The following CACNA2D3 variants were observed in gnomAD, a reference collection of about 807,000 sequenced individuals.
CACNA2D3 encodes calcium voltage-gated channel auxiliary subunit alpha2delta 3, also known as voltage-dependent calcium channel subunit alpha-2/delta-3.
Under a neutral mutation model 160.6 loss-of-function variants are expected in CACNA2D3, and 60 were observed. The ratio of observed to expected loss-of-function variants is 0.37; its 90% CI spans 0.30 to 0.46. The LOEUF is 0.46. Ranked by LOEUF, CACNA2D3 falls within the 20% of genes least tolerant of loss-of-function variation. The pLI, the probability that CACNA2D3 is intolerant of heterozygous loss-of-function variation, is 1.00. For missense variants in CACNA2D3, 1,205 were observed against 1,365.0 expected, an observed-to-expected ratio of 0.88 and a Z score of 1.85; for synonymous variants, 558 against 492.9, an observed-to-expected ratio of 1.13 and a Z score of -1.75.
chr3:54,170,349 C>T (rs1259161468), intron 2 of CACNA2D3, among the ~76,000 whole-genome samples: 1 of 152,038 alleles, frequency 6.6e-6, no homozygotes, highest in African/African-American at 2.4e-5. Flanking sequence ...ACATCAGACC[C>T]AATAGGAGCA....
chr3:54,860,497 T>C (rs1477819194), intron 17 of CACNA2D3, among the ~76,000 whole-genome samples: 2 of 152,196 alleles, frequency 1.3e-5, no homozygotes, highest in African/African-American at 4.8e-5. Flanking sequence ...ACTCCCAAGT[T>C]AATGAAGCCC....
intron 3 of CACNA2D3, among the ~76,000 whole-genome samples, chr3:54,384,345 G>A (rs1366397428): frequency 6.6e-6 from 1 of 152,158 alleles, no homozygotes; most frequent in African/African-American, 2.4e-5. Context: ...TACACATTCT[G>A]TAAAGCTCAA....
chr3:54,612,667 GCCTA>G (rs1698767459), intron 9 of CACNA2D3, among the ~76,000 whole-genome samples: 1 of 152,166 alleles, frequency 6.6e-6, no homozygotes, highest in Non-Finnish European at 1.5e-5. Context: ...GAAATCTACT[GCCTA>G]CCAGGTCAAA....
intron 2 of CACNA2D3, among the ~76,000 whole-genome samples, chr3:54,164,452 G>A (rs549991065): frequency 3.9e-5 from 6 of 152,308 alleles, no homozygotes; most frequent in Middle Eastern, 6.8e-3. Flanking sequence ...TCTCCTCCTC[G>A]GGGGACTCCC....
intron 12 of CACNA2D3, 135 bp downstream of exon 12, chr3:54,752,812 C>A: frequency 3.8e-6 from 2 of 530,498 alleles, no homozygotes; most frequent in Non-Finnish European, 6.8e-6. Context: ...TACTGATAGA[C>A]TTGTAACGGT....
At chr3:54,329,255 C>T (rs574269143) in intron 3 of CACNA2D3, among the ~76,000 whole-genome samples, 1 of 152,282 alleles carries the variant, frequency 6.6e-6, no homozygotes, top group African/African-American at 2.4e-5. Flanking sequence ...TCCCAACTTG[C>T]CTTTACTGTG....
chr3:54,553,663 G>A (rs1702195020), intron 5 of CACNA2D3, among the ~76,000 whole-genome samples: 1 of 152,166 alleles, frequency 6.6e-6, no homozygotes, highest in Non-Finnish European at 1.5e-5. Flanking sequence ...TTCCCTAGAA[G>A]CTGACCCATT....
At chr3:54,869,520 A>G (rs2106816863) in intron 17 of CACNA2D3, among the ~76,000 whole-genome samples, 1 of 152,366 alleles carries the variant, frequency 6.6e-6, no homozygotes, top group South Asian at 2.1e-4. Context: ...TGACCAAAGA[A>G]AGAACTTCCT....
At chr3:54,290,492 T>G (rs1327452391) in intron 2 of CACNA2D3, among the ~76,000 whole-genome samples, 1 of 151,896 alleles carries the variant, frequency 6.6e-6, no homozygotes, top group Non-Finnish European at 1.5e-5. Context: ...ATTGTGGAAG[T>G]CAGTGTGGCG....
chr3:54,669,953 G>GAC (rs1700128884), intron 11 of CACNA2D3, among the ~76,000 whole-genome samples: 1 of 152,048 alleles, frequency 6.6e-6, no homozygotes, highest in African/African-American at 2.4e-5. Flanking sequence ...CCATCCTGGT[G>GAC]ACTGGGGCTC....
At chr3:54,712,402 C>G (rs1175886210) in intron 11 of CACNA2D3, among the ~76,000 whole-genome samples, 2 of 152,064 alleles carry the variant, frequency 1.3e-5, no homozygotes, top group Admixed American at 1.3e-4. Context: ...AATTCCTATG[C>G]GTTGTGGGAG....
chr3:54,145,760 CT>C (rs1031313478), intron 2 of CACNA2D3, among the ~76,000 whole-genome samples: 1 of 152,194 alleles, frequency 6.6e-6, no homozygotes, highest in African/African-American at 2.4e-5. Context: ...AGGGAGACCC[CT>C]GTCTGCTTTC....
intron 13 of CACNA2D3, among the ~76,000 whole-genome samples, chr3:54,805,627 A>G (rs1267400682): frequency 2.0e-5 from 3 of 152,320 alleles, no homozygotes; most frequent in African/African-American, 4.8e-5. Context: ...AGAGGTACAA[A>G]GAGGAATTGG....
rs147079340 is a variant in CACNA2D3 at position 54,195,306 on chromosome 3, C to T, written c.204+71712C>T. ...GCCTCCCCACCCTGGCTTATTTCTGCGTCTGTGCCTTTGCTAGACCACTGA... is the reference window on the plus strand; with the variant it reads ...GCCTCCCCACCCTGGCTTATTTCTGTGTCTGTGCCTTTGCTAGACCACTGA... On this transcript the variant is annotated intron_variant, in intron 2 of 37. Coordinates refer to ENST00000474759, the MANE Select transcript of CACNA2D3 (RefSeq NM_018398.3). Among the ~76,000 whole-genome samples the T allele has an allele frequency of 3.3e-5, 5 of 152,272 alleles. No individual in the cohort carries two copies. The East Asian group carries it at 7.7e-4, about 24-fold the overall frequency.
At chr3:54,935,486 A>G (rs1701304878) in intron 27 of CACNA2D3, among the ~76,000 whole-genome samples, 1 of 152,218 alleles carries the variant, frequency 6.6e-6, no homozygotes, top group Admixed American at 6.5e-5. Context: ...ATCAAGAAAC[A>G]TGGCAGCTTA....
At chr3:54,191,929 C>T (rs1401735272) in intron 2 of CACNA2D3, among the ~76,000 whole-genome samples, 2 of 152,180 alleles carry the variant, frequency 1.3e-5, no homozygotes, top group Non-Finnish European at 2.9e-5. Flanking sequence ...TGTGTCTCCC[C>T]TGAACCGGGA....
Position 54,451,229 on chromosome 3 carries a change from C to CTTTTTTTTT in CACNA2D3, c.382-52239_382-52231dup, listed in dbSNP as rs71074970. Among the ~76,000 whole-genome samples the CTTTTTTTTT allele has an allele frequency of 1.8e-3, 95 of 51,752 alleles. 26 individuals are homozygous for CTTTTTTTTT. Among genetic ancestry groups the CTTTTTTTTT allele is most frequent in the African/African-American group, 3.2e-3 (37 of 11,606 alleles). 34.0% of individuals were successfully genotyped at this position (51,752 alleles called of 152,430 possible). On this transcript the variant is annotated intron_variant, in intron 4 of 37. Transcript: ENST00000474759. ...TGTCCCTTTCTGCTGATATAATAATCTTTTTTTTTTTTTTTTTTTTTTTTT... is the reference window on the plus strand; with the variant it reads ...TGTCCCTTTCTGCTGATATAATAATCTTTTTTTTTTTTTTTTTTTTTTTTTTTTTTTTTT...
chr3:54,595,953 A>G (rs1169132550), intron 9 of CACNA2D3, among the ~76,000 whole-genome samples: 2 of 152,106 alleles, frequency 1.3e-5, no homozygotes, highest in African/African-American at 4.8e-5. Context: ...GGCCCCTTGA[A>G]TGCCACTCAG....
chr3:54,703,014 G>C (rs1422915634), intron 11 of CACNA2D3, among the ~76,000 whole-genome samples: 1 of 152,142 alleles, frequency 6.6e-6, no homozygotes, highest in East Asian at 1.9e-4. Flanking sequence ...ATTTATAAGT[G>C]GGAGCTAAAC....
Sources: gnomAD v4.1 joint callset for allele counts (sites outside exome capture counted in the v4.1 genomes callset) on GRCh38, gnomAD v4.1.1 for gene constraint, MANE v1.5 for transcripts, NCBI Gene and HGNC (gene_info 2026-07-23, HGNC 2026-07-21) for gene names.